NCKAP5: variants seen among roughly 807,000 people sequenced by gnomAD.
NCKAP5 encodes nck-associated protein 5.
NCKAP5 carries 92 observed loss-of-function variants against 167.0 expected under a neutral mutation model. The ratio of observed to expected loss-of-function variants is 0.55; its 90% CI spans 0.47 to 0.66. NCKAP5 has a LOEUF of 0.66. NCKAP5 is among the 30% of genes least tolerant of loss of function. The pLI is 0.00. For synonymous variants in NCKAP5, 891 were observed against 877.4 expected (o/e 1.02, Z -0.27); for missense variants, 2,378 against 2,315.0 (o/e 1.03, Z -0.56).
intron 8 of NCKAP5, among the ~76,000 whole-genome samples, chr2:132,903,179 C>G (rs1693761246): frequency 6.6e-6 from 1 of 152,178 alleles, no homozygotes; most frequent in Non-Finnish European, 1.5e-5. Context: ...GCTCCCACCC[C>G]CCTTGCCACA....
intron 6 of NCKAP5, among the ~76,000 whole-genome samples, chr2:133,009,133 A>G (rs1341739788): frequency 6.6e-6 from 1 of 152,178 alleles, no homozygotes; most frequent in Non-Finnish European, 1.5e-5. Context: ...GACCTAGTAA[A>G]TCCAAATATC....
In NCKAP5 at chr2:132,790,087, G is replaced by A. The variant is rs1359914429; in HGVS notation, c.1028C>T (p.Thr343Ile). ...GGAGCCACTGGAGTACTCGCTGCAGGTGCTTGAAAGAGACAGTTCACTGCT... is the reference window on the plus strand; with the variant it reads ...GGAGCCACTGGAGTACTCGCTGCAGATGCTTGAAAGAGACAGTTCACTGCT... ...SSSSELSLSS[T>I]CSEYSSGSSY... The change falls in exon 13 of 20, where the codon ACC (threonine) becomes ATC (isoleucine). Residue 343 changes from threonine (T) to isoleucine (I), a missense_variant. Thr to Ile is a moderately conservative substitution (Grantham distance 89). Around this residue, in one of 3 missense-constraint regions of NCKAP5, gnomAD observed 1,049 missense variants for 1,023.4 expected, o/e 1.02. Transcript: ENST00000409261. 1.2e-6 allele frequency: 2 copies of A among 1,613,376 alleles called. No individual in the cohort carries two copies. The highest frequency in any genetic ancestry group is 1.7e-6 in the Non-Finnish European group (2 of 1,179,642).
intron 3 of NCKAP5, among the ~76,000 whole-genome samples, chr2:133,481,995 G>T (rs1489908201): frequency 6.6e-6 from 1 of 151,848 alleles, no homozygotes; most frequent in Non-Finnish European, 1.5e-5. Flanking sequence ...TCTAACTCAT[G>T]CTAGCCAGTC....
chr2:133,030,415 C>A (rs1419293743), intron 6 of NCKAP5, among the ~76,000 whole-genome samples: 1 of 152,130 alleles, frequency 6.6e-6, no homozygotes, highest in Non-Finnish European at 1.5e-5. Flanking sequence ...CCATGGTGAG[C>A]CTGTGTCGAA....
At chr2:133,002,013 A>C (rs973689990) in intron 6 of NCKAP5, among the ~76,000 whole-genome samples, 1 of 152,116 alleles carries the variant, frequency 6.6e-6, no homozygotes, top group African/African-American at 2.4e-5. Flanking sequence ...TGTAGATTAT[A>C]TGAAAATATG....
At chr2:133,358,716 A>C (rs1684901989) in intron 3 of NCKAP5, among the ~76,000 whole-genome samples, 1 of 152,218 alleles carries the variant, frequency 6.6e-6, no homozygotes, top group African/African-American at 2.4e-5. Context: ...TGCTGAACTA[A>C]ACTACTAATA....
At chr2:132,975,747 A>G in intron 7 of NCKAP5, among the ~76,000 whole-genome samples, 1 of 152,092 alleles carries the variant, frequency 6.6e-6, no homozygotes, top group East Asian at 1.9e-4. Context: ...AGGGAATTTC[A>G]GTGGGTAATA....
intron 8 of NCKAP5, among the ~76,000 whole-genome samples, chr2:132,912,566 T>G (rs1207554530): frequency 2.0e-5 from 3 of 152,186 alleles, no homozygotes; most frequent in Non-Finnish European, 4.4e-5. Flanking sequence ...TATGGTTCCT[T>G]TGATGCTGAT....
intron 3 of NCKAP5, among the ~76,000 whole-genome samples, chr2:133,389,686 G>A (rs1687259390): frequency 6.6e-6 from 1 of 152,230 alleles, no homozygotes; most frequent in South Asian, 2.1e-4. Context: ...TTTCATGGTA[G>A]TTAAAATAAT....
rs887986804 is a variant in NCKAP5, at chr2:132,783,929, G to C, written c.2882C>G (p.Pro961Arg). Reference sequence around the variant, plus strand: ...GAATGGGGTCCTTGCTGTTTCACTGGGGACCCTGGTTTCGGACTTGGTGGA... The same window carrying C: ...GAATGGGGTCCTTGCTGTTTCACTGCGGACCCTGGTTTCGGACTTGGTGGA... ...PSSTKSETRV[P>R]SETARTPFKS... The change falls in exon 14 of 20, where the codon CCC (proline) becomes CGC (arginine). Residue 961 changes from proline to arginine, a missense_variant. Around this residue, in one of 3 missense-constraint regions of NCKAP5, gnomAD observed 1,325 missense variants for 1,274.5 expected, o/e 1.04. Coordinates refer to ENST00000409261, the MANE Select transcript of NCKAP5 (RefSeq NM_207363.3). 1 of 1,572,424 alleles carries C rather than the reference G, an allele frequency of 6.4e-7. No homozygotes were observed. Among genetic ancestry groups the C allele is most frequent in the Non-Finnish European group, 8.6e-7 (1 of 1,163,832 alleles).
the NCKAP5 span, among the ~76,000 whole-genome samples, chr2:133,617,740 A>T: frequency 3.9e-5 from 6 of 151,956 alleles, no homozygotes; most frequent in South Asian, 6.3e-4. Context: ...AAGGTAATTT[A>T]TAGATTCAAT....
chr2:133,517,614 T>C, intron 2 of NCKAP5, 27 bp from the exon 3 acceptor site: 2 of 828,106 alleles, frequency 2.4e-6, no homozygotes, highest in Non-Finnish European at 3.6e-6. Context: ...TGTGTTTTAC[T>C]ATCCAAGTAC....
chr2:133,130,691 C>T (rs758173905), intron 5 of NCKAP5, among the ~76,000 whole-genome samples: 11 of 152,152 alleles, frequency 7.2e-5, no homozygotes, highest in Non-Finnish European at 1.5e-4. Context: ...GCTCATCTCA[C>T]GAACGGGTAT....
At position 133,385,628 on chromosome 2, in the gene NCKAP5, G is replaced by C. The variant is rs899179015; in HGVS notation, c.70-82518C>G. Among the ~76,000 whole-genome samples the C allele has an allele frequency of 3.9e-5, 6 of 152,198 alleles. No individual in the cohort carries two copies. In the South Asian group the frequency reaches 1.2e-3, roughly 32 times the overall value. On this transcript the variant is annotated intron_variant, in intron 3 of 19. Coordinates refer to ENST00000409261, the MANE Select transcript of NCKAP5 (RefSeq NM_207363.3). ...AATAGTTTCAGAAGGAATGGTACCAGCCCCTCCTTGTACCTCTGGTAGAAT... is the reference window on the plus strand; with the variant it reads ...AATAGTTTCAGAAGGAATGGTACCACCCCCTCCTTGTACCTCTGGTAGAAT...
At chr2:133,391,684 C>A (rs1309478399) in intron 3 of NCKAP5, among the ~76,000 whole-genome samples, 2 of 152,186 alleles carry the variant, frequency 1.3e-5, no homozygotes, top group African/African-American at 4.8e-5. Context: ...TGTCCCTAAT[C>A]CAGGCCCTCA....
chr2:132,774,689 C>T (rs995601957), intron 15 of NCKAP5, among the ~76,000 whole-genome samples: 12 of 152,164 alleles, frequency 7.9e-5, no homozygotes, highest in African/African-American at 2.9e-4. Flanking sequence ...CCCCTACTTC[C>T]CAATCCAGTA....
At chr2:133,016,173 G>A (rs370631829) in intron 6 of NCKAP5, among the ~76,000 whole-genome samples, 75 of 152,250 alleles carry the variant, frequency 4.9e-4, no homozygotes, top group Middle Eastern at 3.4e-3. Context: ...CCCATGCTCC[G>A]CAGTAAAACC....
At chr2:133,255,016 C>A (rs1284957191) in intron 4 of NCKAP5, among the ~76,000 whole-genome samples, 5 of 151,646 alleles carry the variant, frequency 3.3e-5, no homozygotes, top group African/African-American at 9.7e-5. Flanking sequence ...ACTGAACAAG[C>A]AATTTGACTA....
At chr2:133,062,357 G>A (rs952530963) in intron 6 of NCKAP5, among the ~76,000 whole-genome samples, 21 of 152,200 alleles carry the variant, frequency 1.4e-4, no homozygotes, top group Non-Finnish European at 1.0e-4. Context: ...AACACTCTTT[G>A]GCGACATATG....
Sources: gnomAD v4.1 joint callset for allele counts (sites outside exome capture counted in the v4.1 genomes callset) on GRCh38, gnomAD v4.1.1 for gene constraint, gnomAD v4.1.1 regional missense constraint, MANE v1.5 for transcripts, NCBI Gene and HGNC (gene_info 2026-07-23, HGNC 2026-07-21) for gene names.